Variants in MYO10 observed in about 807,000 individuals in gnomAD.
MYO10 encodes unconventional myosin-X.
Under a neutral mutation model 257.3 loss-of-function variants are expected in MYO10, and 133 were observed. That is an observed-to-expected ratio of 0.52 (90% CI 0.45 to 0.60). The LOEUF is 0.60. Ranked by LOEUF, MYO10 falls within the 20% of genes least tolerant of loss-of-function variation. The pLI is 0.00. For synonymous variants in MYO10, 1,104 were observed against 1,028.6 expected, an observed-to-expected ratio of 1.07 and a Z score of -1.40; for missense variants, 2,399 against 2,635.7, an observed-to-expected ratio of 0.91 and a Z score of 1.97.
chr5:16,691,909 A>G (rs1293971765), intron 27 of MYO10, among the ~76,000 whole-genome samples: 1 of 152,194 alleles, frequency 6.6e-6, no homozygotes, highest in Non-Finnish European at 1.5e-5. Flanking sequence ...ACATGCCCAT[A>G]TAGGGTTGGT....
chr5:16,793,111 G>A (rs987425066), intron 4 of MYO10, among the ~76,000 whole-genome samples: 1 of 152,074 alleles, frequency 6.6e-6, no homozygotes, highest in East Asian at 1.9e-4. Context: ...GAACTCCTGC[G>A]AGGAGAAATG....
In MYO10 at chr5:16,829,057, T is replaced by C. The variant is rs116479875; in HGVS notation, c.121-10890A>G. Among the ~76,000 whole-genome samples the C allele has an allele frequency of 7.3e-3, 1,107 of 152,226 alleles. 20 individuals are homozygous for C. The highest frequency in any genetic ancestry group is 0.025 in the African/African-American group (1,031 of 41,532). The stretch of plus-strand genomic sequence containing the variant: ...ACAGTCCACTGAGGGTTCTGAAAAA[T>C]AGGCAATCCTGACAGTGCAGTAGGG... On this transcript the variant is annotated intron_variant, in intron 2 of 40. Coordinates refer to ENST00000513610, the MANE Select transcript of MYO10 (RefSeq NM_012334.3).
rs747786314 is a variant in MYO10 at position 16,769,116 on chromosome 5, CTA to C, written c.1016_1017del (p.Ile339ArgfsTer72). On this transcript the variant is annotated frameshift_variant, in exon 10 of 41. Transcript: ENST00000513610. LOFTEE classifies it high-confidence loss of function. ...LLAGILHLGN[I>X]EFITAGGAQV... ...TGTGCCCCACCAGCAGTGATAAATTCTATGTTCCCAAGATGCAGTATACCAGC... is the reference window on the plus strand; with the variant it reads ...TGTGCCCCACCAGCAGTGATAAATTCTGTTCCCAAGATGCAGTATACCAGC... 1 of 1,612,130 alleles carries C rather than the reference CTA, an allele frequency of 6.2e-7. No individual in the cohort carries two copies. Among genetic ancestry groups the C allele is most frequent in the Non-Finnish European group, 8.5e-7 (1 of 1,179,250 alleles).
intron 2 of MYO10, among the ~76,000 whole-genome samples, chr5:16,834,766 T>C (rs571324806): frequency 6.6e-6 from 1 of 152,346 alleles, no homozygotes; most frequent in Admixed American, 6.5e-5. Context: ...AAACCAAATA[T>C]GAATACACCT....
rs955087122 is a variant in MYO10 at position 16,740,352 on chromosome 5, GA to G, written c.1929+14475del. Reference sequence around the variant, plus strand: ...TTCAGGGCGGCTAATGCTTAGAGGGGAAAAAAAAATATCTCAGTCTGCATGA... The same window carrying G: ...TTCAGGGCGGCTAATGCTTAGAGGGGAAAAAAAATATCTCAGTCTGCATGA... On this transcript the variant is annotated intron_variant, in intron 19 of 40. Transcript: ENST00000513610. 1.7e-4 allele frequency among the ~76,000 whole-genome samples: 26 copies of G among 150,246 alleles called. No individual in the cohort carries two copies. In the East Asian group the frequency reaches 2.5e-3, roughly 15 times the overall value.
intron 19 of MYO10, among the ~76,000 whole-genome samples, chr5:16,718,785 G>A (rs1275422888): frequency 2.6e-5 from 4 of 151,988 alleles, no homozygotes; most frequent in Non-Finnish European, 5.9e-5. Context: ...CAAGGTTTGT[G>A]AGTACACCAA....
At chr5:16,684,647 T>C (rs1178527958) in intron 29 of MYO10, among the ~76,000 whole-genome samples, 1 of 152,246 alleles carries the variant, frequency 6.6e-6, no homozygotes, top group Non-Finnish European at 1.5e-5. Context: ...CTTACACTTC[T>C]TCTCCTAAGA....
chr5:16,842,139 A>T (rs1743501461), intron 2 of MYO10, among the ~76,000 whole-genome samples: 2 of 152,204 alleles, frequency 1.3e-5, no homozygotes, highest in Admixed American at 1.3e-4. Context: ...TTATATGTAT[A>T]AGCACATTTA....
intron 19 of MYO10, among the ~76,000 whole-genome samples, chr5:16,744,026 T>C (rs571274303): frequency 6.6e-6 from 1 of 152,242 alleles, no homozygotes; most frequent in East Asian, 1.9e-4. Flanking sequence ...TCTATTAATG[T>C]TAAAAATCAA....
intron 6 of MYO10, among the ~76,000 whole-genome samples, chr5:16,781,472 A>G (rs1741421713): frequency 6.6e-6 from 1 of 150,658 alleles, no homozygotes; most frequent in Non-Finnish European, 1.5e-5. Flanking sequence ...GAGCTCAAGC[A>G]ATCCTCCTGC....
At chr5:16,903,536 G>A (rs1353917203) in intron 1 of MYO10, among the ~76,000 whole-genome samples, 4 of 152,198 alleles carry the variant, frequency 2.6e-5, no homozygotes, top group African/African-American at 9.7e-5. Flanking sequence ...TCCTCTTTTT[G>A]AAATAGCTTT....
chr5:16,823,467 G>GGGGGGGGGGGGTTTTTT (rs1561003861), intron 2 of MYO10, among the ~76,000 whole-genome samples: 1 of 3,978 alleles, frequency 2.5e-4, no homozygotes, highest in Non-Finnish European at 5.8e-4. Flanking sequence ...GGGGAGTGGG[G>GGGGGGGGGGGGTTTTTT]ATTTTTTTTT....
At chr5:16,783,097 C>T (rs899226333) in intron 5 of MYO10, among the ~76,000 whole-genome samples, 15 of 152,262 alleles carry the variant, frequency 9.9e-5, no homozygotes, top group African/African-American at 1.2e-4. Context: ...AGCCATTGCG[C>T]GCCACTCAGT....
chr5:16,781,589 G>A (rs1222342224), intron 6 of MYO10, 116 bp downstream of exon 6: 31 of 1,125,230 alleles, frequency 2.8e-5, no homozygotes, highest in Admixed American at 2.3e-4. Context: ...TGTCTAATTC[G>A]TTAAAGAACC....
At chr5:16,691,262 T>A (rs2126523358) in intron 27 of MYO10, among the ~76,000 whole-genome samples, 1 of 128,684 alleles carries the variant, frequency 7.8e-6, no homozygotes, top group South Asian at 2.6e-4. Context: ...AGAGTGAGAC[T>A]CCGTCTCAAA....
At chr5:16,769,485 C>T (rs538885742) in intron 9 of MYO10, among the ~76,000 whole-genome samples, 22 of 152,220 alleles carry the variant, frequency 1.4e-4, no homozygotes, top group African/African-American at 4.8e-4. Flanking sequence ...CAGGTGTGTG[C>T]CACCATGCCT....
chr5:16,807,569 C>G (rs1742314198), intron 3 of MYO10, among the ~76,000 whole-genome samples: 1 of 152,138 alleles, frequency 6.6e-6, no homozygotes, highest in Non-Finnish European at 1.5e-5. Context: ...TTGCACAGAG[C>G]CATTCCTTCC....
chr5:16,713,303 C>T, intron 19 of MYO10: 1 of 985,648 alleles, frequency 1.0e-6, no homozygotes, highest in Non-Finnish European at 1.2e-6. Flanking sequence ...AAGGGCCTCC[C>T]CATCCAAAAA....
intron 1 of MYO10, among the ~76,000 whole-genome samples, chr5:16,890,502 G>T (rs966613002): frequency 2.0e-5 from 3 of 151,702 alleles, no homozygotes; most frequent in Admixed American, 6.6e-5. Context: ...ATCAACTAGT[G>T]AATGGATTTT....
Sources: allele counts gnomAD v4.1 joint callset (sites outside exome capture counted in the v4.1 genomes callset), GRCh38; gene constraint gnomAD v4.1.1; transcripts MANE v1.5; gene names NCBI Gene and HGNC (gene_info 2026-07-23, HGNC 2026-07-21).